Variants in WDFY3 observed in about 807,000 individuals in gnomAD.
WDFY3 encodes WD repeat and FYVE domain containing 3, also known as WD repeat and FYVE domain-containing protein 3.
WDFY3 carries 66 observed loss-of-function variants against 409.6 expected under a neutral mutation model. That is an observed-to-expected ratio of 0.16 (90% CI 0.13 to 0.20). The LOEUF is 0.20. WDFY3 is among the 10% of genes least tolerant of loss of function. The pLI is 1.00. For missense variants in WDFY3, 3,031 were observed against 4,298.1 expected, an observed-to-expected ratio of 0.71 and a Z score of 8.24; for synonymous variants, 1,521 against 1,537.1, an observed-to-expected ratio of 0.99 and a Z score of 0.25.
chr4:84,890,948 C>T (rs192586066), intron 3 of WDFY3, among the ~76,000 whole-genome samples: 15 of 152,266 alleles, frequency 9.9e-5, no homozygotes, highest in African/African-American at 3.6e-4. Flanking sequence ...TACCACTGTG[C>T]CCATTGTGAA....
rs779507613 is a variant in WDFY3 at position 84,735,130 on chromosome 4, G to A, written c.6916-10C>T. The A allele has an allele frequency of 2.5e-6, 4 of 1,606,868 alleles. No homozygotes were observed. The highest frequency in any genetic ancestry group is 1.7e-5 in the Admixed American group (1 of 59,282). ...TCCACTGCGAAATCTCCTAACAATG[G>A]ATGGAAAAAGAGTCTTAATATTTCA... On this transcript the variant is annotated splice_polypyrimidine_tract_variant and intron_variant, in intron 42 of 67. Coordinates refer to ENST00000295888, the MANE Select transcript of WDFY3 (RefSeq NM_014991.6).
chr4:84,799,156 A>T (rs1386769590), intron 17 of WDFY3, among the ~76,000 whole-genome samples: 1 of 151,760 alleles, frequency 6.6e-6, no homozygotes, highest in Admixed American at 6.6e-5. Flanking sequence ...TTTATTTATC[A>T]TCATTTTTTT....
intron 26 of WDFY3, among the ~76,000 whole-genome samples, 154 bp from the exon 27 acceptor site, chr4:84,778,809 TAA>T (rs1326821920): frequency 6.6e-6 from 1 of 152,052 alleles, no homozygotes; most frequent in African/African-American, 2.4e-5. Context: ...CTGAGATTAT[TAA>T]GTTAATTTCT....
Position 84,860,325 on chromosome 4 carries a change from T to C in WDFY3, c.180+87A>G. ...TTAAAACTAACTCAGCCTATCATTT[T>C]TTTCTACCTATGGCTTACCAGTAAC... On this transcript the variant is annotated intron_variant, in intron 4 of 67. Coordinates refer to ENST00000295888, the MANE Select transcript of WDFY3 (RefSeq NM_014991.6). 3 of 1,412,158 alleles carry C rather than the reference T, an allele frequency of 2.1e-6. No individual in the cohort carries two copies. The South Asian group carries it at 4.7e-5, about 22-fold the overall frequency. The allele number at this position is 1,412,158 out of a possible 1,614,324, so 87.5% of individuals were successfully genotyped here.
In WDFY3 at chr4:84,842,368, T is replaced by C. The variant is rs183408533; in HGVS notation, c.305-1105A>G. Among the ~76,000 whole-genome samples, 88 of 151,792 alleles carry C rather than the reference T, an allele frequency of 5.8e-4. 1 individual carries two copies. Among genetic ancestry groups the C allele is most frequent in the Admixed American group, 9.9e-4 (15 of 15,228 alleles). Reference sequence around the variant, plus strand: ...GTCATGAGCCTGTAATCCCAGCTACTTGGGAGGCTGAGGCAGGAGAATCAC... The same window carrying C: ...GTCATGAGCCTGTAATCCCAGCTACCTGGGAGGCTGAGGCAGGAGAATCAC... On this transcript the variant is annotated intron_variant, in intron 5 of 67. Coordinates refer to ENST00000295888, the MANE Select transcript of WDFY3 (RefSeq NM_014991.6).
intron 47 of WDFY3, among the ~76,000 whole-genome samples, chr4:84,720,072 C>T (rs17009229): frequency 1.3e-5 from 2 of 152,010 alleles, no homozygotes; most frequent in Non-Finnish European, 2.9e-5. Context: ...TTTATTAAAC[C>T]AATCATTCCT....
At chr4:84,852,955 C>T (rs1435933787) in intron 4 of WDFY3, among the ~76,000 whole-genome samples, 2 of 152,030 alleles carry the variant, frequency 1.3e-5, no homozygotes, top group Non-Finnish European at 2.9e-5. Flanking sequence ...ATAGGAATTT[C>T]GCCATGTTGT....
At chr4:84,821,032 T>G in intron 11 of WDFY3, 52 bp downstream of exon 11, 1 of 1,458,624 alleles carries the variant, frequency 6.9e-7, no homozygotes, top group Non-Finnish European at 9.2e-7. Context: ...CAAAAAATTC[T>G]CTGTTTTGAA....
chr4:84,880,777 A>G (rs1363006669), intron 3 of WDFY3, among the ~76,000 whole-genome samples: 1 of 137,744 alleles, frequency 7.3e-6, no homozygotes, highest in Non-Finnish European at 1.5e-5. Context: ...GAGTGCAGTG[A>G]TAGGATCTCG....
chr4:84,931,050 A>G (rs1259590249), intron 2 of WDFY3, among the ~76,000 whole-genome samples: 1 of 152,168 alleles, frequency 6.6e-6, no homozygotes, highest in Non-Finnish European at 1.5e-5. Context: ...TCTAATGTAT[A>G]AATTATACTT....
intron 2 of WDFY3, among the ~76,000 whole-genome samples, chr4:84,904,648 T>C (rs1034414067): frequency 1.3e-5 from 2 of 152,214 alleles, no homozygotes; most frequent in African/African-American, 4.8e-5. Context: ...GTGGTTTGTC[T>C]TACAAAGCAA....
Position 84,755,253 on chromosome 4 carries a change from T to A in WDFY3, c.5559+13A>T, listed in dbSNP as rs200615293. The A allele has an allele frequency of 6.2e-7, 1 of 1,610,132 alleles. No homozygotes were observed. Among genetic ancestry groups the A allele is most frequent in the Admixed American group, 1.7e-5 (1 of 58,774 alleles). On this transcript the variant is annotated intron_variant, in intron 34 of 67. Transcript: ENST00000295888. ...GGAATTCTCAATAGGCCTGGGCATTTGAGTGAACTTACTGAAGTCAGCATG... is the reference window on the plus strand; with the variant it reads ...GGAATTCTCAATAGGCCTGGGCATTAGAGTGAACTTACTGAAGTCAGCATG...
intron 5 of WDFY3, chr4:84,844,381 A>C: frequency 1.6e-6 from 2 of 1,242,302 alleles, no homozygotes; most frequent in Non-Finnish European, 2.1e-6. Context: ...AGTCAGAAAA[A>C]CAATATTAGA....
chr4:84,904,303 C>T (rs1040492475), intron 2 of WDFY3, among the ~76,000 whole-genome samples: 2 of 151,974 alleles, frequency 1.3e-5, no homozygotes, highest in African/African-American at 2.4e-5. Flanking sequence ...TGCAATGGCG[C>T]GATCTTAGCT....
intron 3 of WDFY3, among the ~76,000 whole-genome samples, chr4:84,884,807 A>T (rs969076036): frequency 6.6e-6 from 1 of 152,176 alleles, no homozygotes; most frequent in Non-Finnish European, 1.5e-5. Flanking sequence ...AGAACCAAAC[A>T]TGTGATAATT....
intron 48 of WDFY3, 123 bp downstream of exon 48, chr4:84,718,299 G>A (rs1734297485): frequency 3.2e-6 from 3 of 946,596 alleles, no homozygotes; most frequent in South Asian, 4.4e-5. Flanking sequence ...AATGATGAAT[G>A]CACACAAACC....
At chr4:84,776,192 G>A (rs1404257197) in intron 27 of WDFY3, among the ~76,000 whole-genome samples, 1 of 151,976 alleles carries the variant, frequency 6.6e-6, no homozygotes, top group African/African-American at 2.4e-5. Context: ...GTCTCTTATT[G>A]CAAAGTATTT....
At position 84,702,463 on chromosome 4, in the gene WDFY3, C is replaced by T. The variant is rs775519642; in HGVS notation, c.8486G>A (p.Arg2829His). Reference protein sequence around the residue: ...DLADRMFHSVREAWYSASKHN... With the variant: ...DLADRMFHSVHEAWYSASKHN... ...CTTTGACGCTGAATACCAGGCCTCG[C>T]GCACACTGTGAAACATCCGGTCAGC... Residue 2829 changes from arginine to histidine, a missense_variant, in exon 56 of 68, where the codon CGC (arginine) becomes CAC (histidine). Physicochemically the swap from Arg to His is conservative, Grantham distance 29 (BLOSUM62 0). This residue lies in a region of WDFY3 where 129 missense variants were observed against 305.3 expected (regional missense o/e 0.42). Transcript: ENST00000295888. The T allele has an allele frequency of 1.4e-5, 22 of 1,613,504 alleles. No individual in the cohort carries two copies. Among genetic ancestry groups the T allele is most frequent in the Admixed American group, 3.3e-5 (2 of 59,822 alleles).
At chr4:84,934,472 T>G (rs937249943) in intron 1 of WDFY3, among the ~76,000 whole-genome samples, 9 of 152,140 alleles carry the variant, frequency 5.9e-5, no homozygotes, top group African/African-American at 2.2e-4. Context: ...TCCAATAAGT[T>G]TTTACTGAGT....
Sources: allele counts gnomAD v4.1 joint callset (sites outside exome capture counted in the v4.1 genomes callset), GRCh38; gene constraint gnomAD v4.1.1; regional missense constraint gnomAD v4.1.1; transcripts MANE v1.5; gene names NCBI Gene and HGNC (gene_info 2026-07-23, HGNC 2026-07-21).